Variants in MPDZ observed in about 807,000 individuals in gnomAD.
The protein encoded by MPDZ is multiple PDZ domain protein.
A neutral mutation model predicts 239.1 loss-of-function variants in MPDZ; 234 were observed. The ratio of observed to expected loss-of-function variants is 0.98; its 90% CI spans 0.88 to 1.09. MPDZ has a LOEUF of 1.09. MPDZ is among the 50% of genes least tolerant of loss of function. MPDZ has a pLI of 0.00. For synonymous variants in MPDZ, 1,048 were observed against 881.3 expected (o/e 1.19, Z -3.35); for missense variants, 3,175 against 2,510.0 (o/e 1.26, Z -5.66).
rs1458235622 is a variant in MPDZ at position 13,106,216 on chromosome 9, T to C, written c.*749A>G. 1 of 152,124 alleles carries C rather than the reference T, an allele frequency of 6.6e-6. No individual in the cohort carries two copies. The highest frequency in any genetic ancestry group is 2.4e-5 in the African/African-American group (1 of 41,420). 9.4% of individuals were successfully genotyped at this position (152,124 alleles called of 1,614,324 possible). A position where few individuals can be genotyped will look rare whatever the true frequency, so the allele number is the denominator to read the frequency against. On this transcript the variant is annotated 3_prime_UTR_variant, in exon 47 of 47. Coordinates refer to ENST00000319217, the MANE Select transcript of MPDZ (RefSeq NM_001378778.1). ...TAGAAAAACCATAGTCAACATGGGG[T>C]GGCATCATCATTTACTTATAGCAAC...
Position 13,247,742 on chromosome 9 carries a change from C to G in MPDZ, c.76G>C (p.Asp26His). Reference sequence around the variant, plus strand: ...CTCAGTTTGTCTTCATTTGCTACATCCCCACGTTCTCGCAGCTTGGTTTGC... The same window carrying G: ...CTCAGTTTGTCTTCATTTGCTACATGCCCACGTTCTCGCAGCTTGGTTTGC... ...RLQTKLRERG[D>H]VANEDKLSLL... Residue 26 changes from aspartate (D) to histidine (H), a missense_variant, in exon 3 of 47, where the codon GAT becomes CAT. Physicochemically the swap from Asp to His is moderately conservative, Grantham distance 81 (BLOSUM62 -1). Coordinates refer to ENST00000319217, the MANE Select transcript of MPDZ (RefSeq NM_001378778.1). 6.2e-7 allele frequency: 1 copy of G among 1,613,192 alleles called. No homozygotes were observed. Among genetic ancestry groups the G allele is most frequent in the Non-Finnish European group, 8.5e-7 (1 of 1,179,306 alleles).
chr9:13,258,898 C>T (rs1970029955), intron 1 of MPDZ, among the ~76,000 whole-genome samples: 1 of 152,062 alleles, frequency 6.6e-6, no homozygotes, highest in Non-Finnish European at 1.5e-5. Flanking sequence ...ACTTCAAATA[C>T]TGATTAATAT....
intron 3 of MPDZ, among the ~76,000 whole-genome samples, chr9:13,244,921 G>T (rs967775977): frequency 1.4e-4 from 21 of 152,016 alleles, no homozygotes; most frequent in Admixed American, 2.6e-4. Context: ...AAAAAAACAG[G>T]AGACTGATGG....
intron 3 of MPDZ, among the ~76,000 whole-genome samples, chr9:13,244,996 G>T (rs1442456488): frequency 6.6e-6 from 1 of 152,094 alleles, no homozygotes; most frequent in Non-Finnish European, 1.5e-5. Flanking sequence ...GTAAATTGCA[G>T]CTGTCATGCA....
chr9:13,203,729 CA>C (rs1956659702), intron 12 of MPDZ, among the ~76,000 whole-genome samples: 820 of 2,548 alleles, frequency 0.32, 46 homozygotes, highest in East Asian at 0.52. Context: ...TGTATCCTGC[CA>C]CACACACACA....
Position 13,272,576 on chromosome 9 carries a change from G to C in MPDZ, c.-58+6824C>G, listed in dbSNP as rs1475039361. 4.7e-4 allele frequency among the ~76,000 whole-genome samples: 71 copies of C among 151,736 alleles called. 1 individual carries two copies. Among genetic ancestry groups the C allele is most frequent in the Admixed American group, 4.7e-3 (71 of 15,234 alleles). On this transcript the variant is annotated intron_variant, in intron 1 of 46. Transcript: ENST00000319217. Reference sequence around the variant, plus strand: ...CCTGTAATCCCAAATTAGAAAATGAGGCCGAGCGTGGTGGCTCACTCCTGT... The same window carrying C: ...CCTGTAATCCCAAATTAGAAAATGACGCCGAGCGTGGTGGCTCACTCCTGT...
chr9:13,169,288 T>C (rs1441271772), intron 21 of MPDZ, among the ~76,000 whole-genome samples: 1 of 152,136 alleles, frequency 6.6e-6, no homozygotes, highest in Non-Finnish European at 1.5e-5. Flanking sequence ...GGAAATGCAA[T>C]CTTAGCATGT....
Position 13,222,485 on chromosome 9 carries a change from A to C in MPDZ, c.534-39T>G, listed in dbSNP as rs73408219. 4.8e-3 allele frequency: 7,195 copies of C among 1,510,090 alleles called. 306 individuals are homozygous for C. In the African/African-American group the frequency reaches 0.089, roughly 19 times the overall value. The allele number at this position is 1,510,090 out of a possible 1,614,324, so 93.5% of individuals were successfully genotyped here. Reference sequence around the variant, plus strand: ...AAAAGGGGATAAAAGACAATCTGAGAGTTCTCAAGGAAATGACAGCTTCTT... The same window carrying C: ...AAAAGGGGATAAAAGACAATCTGAGCGTTCTCAAGGAAATGACAGCTTCTT... On this transcript the variant is annotated intron_variant, in intron 5 of 46. Coordinates refer to ENST00000319217, the MANE Select transcript of MPDZ (RefSeq NM_001378778.1).
In MPDZ at chr9:13,190,278, A is replaced by G. The variant is rs149169783; in HGVS notation, c.1990T>C (p.Phe664Leu). Residue 664 changes from phenylalanine to leucine, a missense_variant, in exon 16 of 47, where the codon TTC (phenylalanine) becomes CTC (leucine). By Grantham distance (22) the Phe-to-Leu change is conservative. Transcript: ENST00000319217. ...TCCTCTGTCTCTGATGACCCGATGA[A>G]CTCACCTAGATCTACGTGAGGCTGG... ...TEKPHVDLGEFIGSSETEDPV... is the reference protein window; with the variant it reads ...TEKPHVDLGELIGSSETEDPV... 1,937 of 1,602,294 alleles carry G rather than the reference A, an allele frequency of 1.2e-3. 21 individuals are homozygous for G. The African/African-American group carries it at 0.024, about 20-fold the overall frequency.
intron 40 of MPDZ, among the ~76,000 whole-genome samples, chr9:13,114,758 G>A (rs1943105136): frequency 6.6e-6 from 1 of 151,964 alleles, no homozygotes; most frequent in Non-Finnish European, 1.5e-5. Flanking sequence ...AAATTAGCCA[G>A]GCATGGTGGT....
Position 13,222,293 on chromosome 9 carries a change from G to GTTA in MPDZ, c.686_687insTAA (p.Val229_Ser230insAsn). 2 of 1,612,916 alleles carry GTTA rather than the reference G, an allele frequency of 1.2e-6. No individual in the cohort carries two copies. Among genetic ancestry groups the GTTA allele is most frequent in the Non-Finnish European group, 1.7e-6 (2 of 1,179,270 alleles). On this transcript the variant is annotated inframe_insertion, in exon 6 of 47. Transcript: ENST00000319217. The stretch of plus-strand genomic sequence containing the variant: ...ATGGAGAACGGGAAACTATGGGGCT[G>GTTA]ACAAGCTGAGGCAATGAGCCTCTGG...
At chr9:13,118,799 T>G (rs1432332571) in intron 39 of MPDZ, among the ~76,000 whole-genome samples, 2 of 152,198 alleles carry the variant, frequency 1.3e-5, no homozygotes, top group Non-Finnish European at 2.9e-5. Flanking sequence ...GTTCTGCCTT[T>G]CCAATCAGAA....
intron 3 of MPDZ, among the ~76,000 whole-genome samples, chr9:13,230,585 A>G (rs980390273): frequency 9.2e-5 from 14 of 152,130 alleles, no homozygotes; most frequent in African/African-American, 3.4e-4. Flanking sequence ...ATAGAGATGG[A>G]AAATGAATTA....
At chr9:13,188,365 A>T (rs1356975563) in intron 17 of MPDZ, among the ~76,000 whole-genome samples, 1 of 152,068 alleles carries the variant, frequency 6.6e-6, no homozygotes, top group African/African-American at 2.4e-5. Flanking sequence ...TAAAAATACA[A>T]AAATTAGCCA....
At chr9:13,267,688 C>A (rs909057258) in intron 1 of MPDZ, among the ~76,000 whole-genome samples, 1 of 151,976 alleles carries the variant, frequency 6.6e-6, no homozygotes, top group Admixed American at 6.6e-5. Flanking sequence ...TGATGTATGG[C>A]AAGACACAAG....
intron 25 of MPDZ, among the ~76,000 whole-genome samples, chr9:13,149,873 A>T (rs1195214124): frequency 6.6e-6 from 1 of 152,068 alleles, no homozygotes; most frequent in African/African-American, 2.4e-5. Flanking sequence ...ATGAATGAAC[A>T]CAGCACTGAA....
chr9:13,194,373 A>G (rs1379698461), intron 13 of MPDZ, among the ~76,000 whole-genome samples: 2 of 152,150 alleles, frequency 1.3e-5, no homozygotes, highest in African/African-American at 2.4e-5. Context: ...GCCATAAAAA[A>G]GAATTAGTTC....
intron 1 of MPDZ, among the ~76,000 whole-genome samples, chr9:13,270,637 G>A (rs1972750416): frequency 6.6e-6 from 1 of 151,764 alleles, no homozygotes; most frequent in Non-Finnish European, 1.5e-5. Context: ...GAAGAAACTG[G>A]GTTAAACAAA....
In MPDZ at chr9:13,106,681, A is replaced by G. The variant is rs1941511483; in HGVS notation, c.*284T>C. On this transcript the variant is annotated 3_prime_UTR_variant, in exon 47 of 47. Coordinates refer to ENST00000319217, the MANE Select transcript of MPDZ (RefSeq NM_001378778.1). ...GCTTAGCATGTAATAATTCTTGCCC[A>G]TGTGACTACAAAACATTAGATATCT... is the stretch of plus-strand genomic sequence containing the variant. The G allele has an allele frequency of 3.3e-6, 1 of 303,762 alleles. No homozygotes were observed. Among genetic ancestry groups the G allele is most frequent in the Non-Finnish European group, 6.2e-6 (1 of 162,022 alleles). 18.8% of individuals were successfully genotyped at this position (303,762 alleles called of 1,614,324 possible).
Sources: allele counts gnomAD v4.1 joint callset (sites outside exome capture counted in the v4.1 genomes callset), GRCh38; gene constraint gnomAD v4.1.1; transcripts MANE v1.5; gene names NCBI Gene and HGNC (gene_info 2026-07-23, HGNC 2026-07-21).